The following FAM168A variants were observed in gnomAD, a reference collection of about 807,000 sequenced individuals.
The protein encoded by FAM168A is protein FAM168A.
Under a neutral mutation model 28.5 loss-of-function variants are expected in FAM168A, and 3 were observed. The ratio of observed to expected loss-of-function variants is 0.11; its 90% CI spans 0.05 to 0.27. FAM168A has a LOEUF of 0.27. FAM168A is among the 10% of genes least tolerant of loss of function. The probability of loss-of-function intolerance (pLI) is 1.00; values close to 1 mark genes in which losing one functional copy is unlikely to be tolerated. For missense variants in FAM168A, 222 were observed against 311.5 expected, an observed-to-expected ratio of 0.71 and a Z score of 2.16; for synonymous variants, 122 against 124.2, an observed-to-expected ratio of 0.98 and a Z score of 0.12.
chr11:73,499,214 A>T (rs1217485492), intron 1 of FAM168A, among the ~76,000 whole-genome samples: 2 of 152,150 alleles, frequency 1.3e-5, no homozygotes, highest in African/African-American at 4.8e-5. Flanking sequence ...GGAGTGAATC[A>T]GATGAACAAG....
Position 73,411,507 on chromosome 11 carries a change from G to A in FAM168A, c.307C>T (p.Pro103Ser), listed in dbSNP as rs748800138. The change falls in exon 5 of 8, where the codon CCA (proline) becomes TCA (serine). Residue 103 changes from proline to serine, a missense_variant. Physicochemically the swap from Pro to Ser is moderately conservative, Grantham distance 74. Transcript: ENST00000356467. ...RYTAGTPYKVPPTQSNTAPPP... is the reference protein window; with the variant it reads ...RYTAGTPYKVSPTQSNTAPPP... ...GGAGCAGTGTTACTCTGGGTCGGTGGGACCTTGTATGGTGTCCCCGCAGTA... is the reference window on the plus strand; with the variant it reads ...GGAGCAGTGTTACTCTGGGTCGGTGAGACCTTGTATGGTGTCCCCGCAGTA... 7.4e-6 allele frequency: 12 copies of A among 1,613,888 alleles called. No homozygotes were observed. The highest frequency in any genetic ancestry group is 1.3e-5 in the African/African-American group (1 of 74,866).
chr11:73,524,399 G>A (rs892267640), intron 1 of FAM168A, among the ~76,000 whole-genome samples: 1 of 151,296 alleles, frequency 6.6e-6, no homozygotes, highest in Non-Finnish European at 1.5e-5. Context: ...TAACTATGAG[G>A]AGTTTCTCTA....
At chr11:73,560,297 A>G (rs1432559872) in intron 1 of FAM168A, among the ~76,000 whole-genome samples, 1 of 151,976 alleles carries the variant, frequency 6.6e-6, no homozygotes, top group East Asian at 1.9e-4. Context: ...TTATGGCTTC[A>G]AGCATTCCTC....
intron 1 of FAM168A, among the ~76,000 whole-genome samples, chr11:73,572,823 T>C (rs1590741507): frequency 1.3e-5 from 2 of 152,118 alleles, no homozygotes; most frequent in African/African-American, 4.8e-5. Flanking sequence ...ACTATTGTCC[T>C]ATGACCCTGC....
At chr11:73,525,327 G>T (rs966318590) in intron 1 of FAM168A, among the ~76,000 whole-genome samples, 1 of 152,044 alleles carries the variant, frequency 6.6e-6, no homozygotes. Flanking sequence ...GGAAAGGGAC[G>T]TTCAAATGTC....
intron 3 of FAM168A, 85 bp downstream of exon 3, chr11:73,430,605 A>G (rs1303058112): frequency 7.8e-7 from 1 of 1,289,104 alleles, no homozygotes. Context: ...TAAGAACAGG[A>G]AAAGGCCAGC....
At chr11:73,463,473 G>C (rs920671918) in intron 2 of FAM168A, among the ~76,000 whole-genome samples, 3 of 152,182 alleles carry the variant, frequency 2.0e-5, no homozygotes, top group African/African-American at 7.2e-5. Flanking sequence ...TAATAAGTCT[G>C]AGCAAAGCAT....
intron 1 of FAM168A, among the ~76,000 whole-genome samples, chr11:73,518,822 G>A (rs1421980367): frequency 1.3e-5 from 2 of 152,070 alleles, no homozygotes; most frequent in Non-Finnish European, 2.9e-5. Context: ...GCTTGAACCC[G>A]GGAGGCAGAG....
intron 1 of FAM168A, among the ~76,000 whole-genome samples, chr11:73,547,656 AGAGT>A (rs1391982538): frequency 4.6e-5 from 7 of 152,154 alleles, no homozygotes. Flanking sequence ...CCTGGGCAAC[AGAGT>A]GAGACTCCAT....
intron 1 of FAM168A, among the ~76,000 whole-genome samples, chr11:73,547,355 TAAG>T (rs1943772062): frequency 6.7e-6 from 1 of 150,128 alleles, no homozygotes; most frequent in South Asian, 2.1e-4. Context: ...AAATAGAAAA[TAAG>T]AAGCGTTGAG....
intron 1 of FAM168A, among the ~76,000 whole-genome samples, chr11:73,476,789 G>A (rs1485320803): frequency 6.6e-6 from 1 of 152,060 alleles, no homozygotes; most frequent in Non-Finnish European, 1.5e-5. Context: ...AATGGAAATC[G>A]TATTCTGAAA....
chr11:73,444,013 T>C (rs1867254003), intron 2 of FAM168A, among the ~76,000 whole-genome samples: 2 of 152,188 alleles, frequency 1.3e-5, no homozygotes, highest in South Asian at 4.1e-4. Flanking sequence ...CTGGCTATCC[T>C]AAAGGAGCCA....
At chr11:73,512,522 C>T (rs574363517) in intron 1 of FAM168A, among the ~76,000 whole-genome samples, 1 of 152,056 alleles carries the variant, frequency 6.6e-6, no homozygotes, top group South Asian at 2.1e-4. Flanking sequence ...CTAGAAACCT[C>T]TGAATTGTGT....
intron 1 of FAM168A, among the ~76,000 whole-genome samples, chr11:73,491,196 G>A (rs1868123553): frequency 6.6e-6 from 1 of 152,210 alleles, no homozygotes; most frequent in African/African-American, 2.4e-5. Context: ...CAGGTTAGGA[G>A]CTGATGGGAG....
intron 1 of FAM168A, among the ~76,000 whole-genome samples, chr11:73,544,649 A>G (rs1400656210): frequency 7.2e-6 from 1 of 139,144 alleles, no homozygotes; most frequent in Non-Finnish European, 1.5e-5. Context: ...GAAAAAATAT[A>G]TACAATTACA....
intron 1 of FAM168A, among the ~76,000 whole-genome samples, chr11:73,546,207 T>A (rs1313245404): frequency 3.3e-5 from 5 of 152,222 alleles, no homozygotes; most frequent in Non-Finnish European, 7.3e-5. Context: ...CCTATATCCC[T>A]GCATTTAATT....
rs571948305 is a variant in FAM168A, at chr11:73,500,641, G to C, written c.-18-32149C>G. On this transcript the variant is annotated intron_variant, in intron 1 of 7. Coordinates refer to ENST00000356467, the MANE Select transcript of FAM168A (RefSeq NM_015159.3). ...TCCTTTCCAGACAAGCAAATGCTGA[G>C]GGATTTCATTACCACCAGGCCTGCC... Among the ~76,000 whole-genome samples the C allele has an allele frequency of 5.3e-5, 8 of 152,094 alleles. No individual in the cohort carries two copies. The East Asian group carries it at 1.5e-3, about 29-fold the overall frequency.
At chr11:73,441,975 G>A (rs1366738729) in intron 2 of FAM168A, among the ~76,000 whole-genome samples, 1 of 152,044 alleles carries the variant, frequency 6.6e-6, no homozygotes, top group African/African-American at 2.4e-5. Flanking sequence ...CCAACTTTTG[G>A]TTTATTGATT....
At position 73,403,678 on chromosome 11, in the gene FAM168A, A is replaced by G. The variant is rs3741148; in HGVS notation, c.*3085T>C. ...TACCAGTAACTGTGCCCATCCTACC[A>G]GAGGCACATGACTGTCCCCGCTCTC... On this transcript the variant is annotated 3_prime_UTR_variant, in exon 8 of 8. Transcript: ENST00000356467. 0.31 allele frequency: 47,870 copies of G among 152,018 alleles called. 9,768 individuals are homozygous for G. The highest frequency in any genetic ancestry group is 0.58 in the African/African-American group (24,229 of 41,428). 9.4% of individuals were successfully genotyped at this position (152,018 alleles called of 1,614,324 possible). A position where few individuals can be genotyped will look rare whatever the true frequency, so the allele number is the denominator to read the frequency against.
Sources: gnomAD v4.1 joint callset for allele counts (sites outside exome capture counted in the v4.1 genomes callset) on GRCh38, gnomAD v4.1.1 for gene constraint, MANE v1.5 for transcripts, NCBI Gene and HGNC (gene_info 2026-07-23, HGNC 2026-07-21) for gene names.